ZNF426: variants seen among roughly 807,000 people sequenced by gnomAD.
The protein encoded by ZNF426 is zinc finger protein 426, also known as CTC-543D15.7.
Under a neutral mutation model 24.0 loss-of-function variants are expected in ZNF426, and 23 were observed. That is an observed-to-expected ratio of 0.96 (90% CI 0.69 to 1.36). The LOEUF (loss-of-function observed/expected upper bound fraction) is 1.36, where lower values mean the gene tolerates loss of function less well. Ranked by LOEUF, ZNF426 falls within the 40% of genes most tolerant of loss-of-function variation. The probability of loss-of-function intolerance (pLI) is 0.00; values close to 1 mark genes in which losing one functional copy is unlikely to be tolerated. For missense variants in ZNF426, 646 were observed against 658.4 expected, an observed-to-expected ratio of 0.98 and a Z score of 0.21; for synonymous variants, 272 against 224.6, an observed-to-expected ratio of 1.21 and a Z score of -1.89.
chr19:9,525,476 T>TTTGTTGTTG lies in ZNF426; in HGVS notation c.*2895_*2903dup, dbSNP rs529530878. 1 of 151,734 alleles carries TTTGTTGTTG rather than the reference T, an allele frequency of 6.6e-6. No individual in the cohort carries two copies. 9.4% of individuals were successfully genotyped at this position (151,734 alleles called of 1,614,324 possible). On this transcript the variant is annotated 3_prime_UTR_variant, in exon 8 of 8. Transcript: ENST00000253115. ...AAAGGCTGAGCATTGATGATGGGTT[T>TTTGTTGTTG]TTGTTGTTGTTGTTGTTGTTGTTGT...
At chr19:9,532,726 T>A in intron 6 of ZNF426, 119 bp downstream of exon 6, 1 of 672,844 alleles carries the variant, frequency 1.5e-6, no homozygotes, top group Non-Finnish European at 2.5e-6. Context: ...TTTCCTAACT[T>A]TCTCTAAACC....
In ZNF426 at chr19:9,529,568, T is replaced by C; in HGVS notation, c.477A>G (p.Ser159=). 1.9e-6 allele frequency: 3 copies of C among 1,609,110 alleles called. No homozygotes were observed. Among genetic ancestry groups the C allele is most frequent in the Non-Finnish European group, 2.5e-6 (3 of 1,179,962 alleles). Residue 159 remains serine, a synonymous_variant, in exon 8 of 8, where the codon TCA becomes TCG. Transcript: ENST00000253115. ...GAGTTCTCACGTGCGTCTTAAGGCATGAGTGTTCACTGAAGACTTCTCCAC... is the reference window on the plus strand; with the variant it reads ...GAGTTCTCACGTGCGTCTTAAGGCACGAGTGTTCACTGAAGACTTCTCCAC... The part of the protein sequence containing the change: ...EQCGEVFSEH[S]CLKTHVRTQS...
chr19:9,534,346 C>T (rs1372162126), intron 4 of ZNF426, among the ~76,000 whole-genome samples: 1 of 152,020 alleles, frequency 6.6e-6, no homozygotes, highest in African/African-American at 2.4e-5. Context: ...GCTGAAATTA[C>T]AGGCACACGC....
At chr19:9,536,628 T>TAG (rs149142513) in intron 2 of ZNF426, 4,417 of 257,498 alleles carry the variant, frequency 0.017, 201 homozygotes, top group African/African-American at 0.096. Context: ...CACACACACA[T>TAG]AGAAAAAATA....
chr19:9,532,087 CTA>C (rs1467647211), intron 6 of ZNF426, among the ~76,000 whole-genome samples: 18 of 152,210 alleles, frequency 1.2e-4, no homozygotes, highest in African/African-American at 4.3e-4. Flanking sequence ...CCTGTACATA[CTA>C]TGATTCTTCG....
Position 9,529,490 on chromosome 19 carries a change from G to T in ZNF426, c.555C>A (p.Thr185=). 1 of 1,613,752 alleles carries T rather than the reference G, an allele frequency of 6.2e-7. No individual in the cohort carries two copies. The highest frequency in any genetic ancestry group is 8.5e-7 in the Non-Finnish European group (1 of 1,179,996). The stretch of plus-strand genomic sequence containing the variant: ...CACCAGTAGAGGTTTTCTCACACAG[G>T]GTAAGGAAATCTTTTCCATACTGAT... ...DCNQYGKDFL[T]LCEKTSTGEK... is the part of the protein sequence containing the mutation. The change falls in exon 8 of 8, where the codon ACC becomes ACA. Residue 185 remains threonine (T), a synonymous_variant. Coordinates refer to ENST00000253115, the MANE Select transcript of ZNF426 (RefSeq NM_024106.3).
In ZNF426 at chr19:9,530,987, A is replaced by G. The variant is rs2073874495; in HGVS notation, c.406T>C (p.Leu136=). 1.2e-6 allele frequency: 2 copies of G among 1,611,790 alleles called. No homozygotes were observed. The highest frequency in any genetic ancestry group is 1.7e-6 in the Non-Finnish European group (2 of 1,177,914). Residue 136 remains leucine, a splice_region_variant and synonymous_variant, in exon 7 of 8, where the codon TTG becomes CTG. Coordinates refer to ENST00000253115, the MANE Select transcript of ZNF426 (RefSeq NM_024106.3). ...LRGQTSIGIQ[L]EGKHNGRELC... ...AAAATATCCTATGCAAATCTTACCA[A>G]TTGTATCCCAATGGATGTCTGACCC... is the stretch of plus-strand genomic sequence containing the variant.
intron 4 of ZNF426, among the ~76,000 whole-genome samples, 174 bp downstream of exon 4, chr19:9,535,014 G>A (rs935212467): frequency 6.7e-6 from 1 of 149,924 alleles, no homozygotes; most frequent in African/African-American, 2.5e-5. Flanking sequence ...GGAGACCGGA[G>A]CTTGCAGTGA....
chr19:9,529,389 G>A lies in ZNF426; in HGVS notation c.656C>T (p.Thr219Ile). 1 of 1,614,030 alleles carries A rather than the reference G, an allele frequency of 6.2e-7. No individual in the cohort carries two copies. Among genetic ancestry groups the A allele is most frequent in the Non-Finnish European group, 8.5e-7 (1 of 1,180,004 alleles). ...TPNIVYQRTS[T>I]QEKSFECSHC... is the part of the protein sequence containing the mutation. ...ACTACATTCAAATGACTTTTCTTGT[G>A]TGCTAGTTCTCTGGTATACAATATT... The change falls in exon 8 of 8, where the codon ACA (threonine) becomes ATA (isoleucine). Residue 219 changes from threonine (T) to isoleucine (I), a missense_variant. Transcript: ENST00000253115.
intron 7 of ZNF426, among the ~76,000 whole-genome samples, chr19:9,530,573 G>A (rs547588908): frequency 1.3e-5 from 2 of 151,982 alleles, no homozygotes; most frequent in East Asian, 3.9e-4. Context: ...ACTAGCCTGG[G>A]AAACACAGTA....
chr19:9,528,178 A>C lies in ZNF426; in HGVS notation c.*202T>G, dbSNP rs984809980. On this transcript the variant is annotated 3_prime_UTR_variant, in exon 8 of 8. Coordinates refer to ENST00000253115, the MANE Select transcript of ZNF426 (RefSeq NM_024106.3). The stretch of plus-strand genomic sequence containing the variant: ...ATTTTTTGTATTTTCAGTAGAGACA[A>C]GGTTTCACCATGTTGGCCAGGGTGG... 7.8e-6 allele frequency: 4 copies of C among 513,184 alleles called. No individual in the cohort carries two copies. The highest frequency in any genetic ancestry group is 1.3e-5 in the Non-Finnish European group (4 of 299,106). The allele number at this position is 513,184 out of a possible 1,614,324, so 31.8% of individuals were successfully genotyped here.
rs1460239684 is a variant in ZNF426 at position 9,528,764 on chromosome 19, T to C, written c.1281A>G (p.Lys427=). 3 of 1,614,152 alleles carry C rather than the reference T, an allele frequency of 1.9e-6. No individual in the cohort carries two copies. The highest frequency in any genetic ancestry group is 2.5e-6 in the Non-Finnish European group (3 of 1,180,022). The part of the protein sequence containing the change: ...EKACECKICG[K]VFGYPSCLNN... ...TAAGACATGAGGGATACCCAAATAC[T>C]TTCCCACATATCTTACACTCACAGG... is the stretch of plus-strand genomic sequence containing the variant. Residue 427 remains lysine, a synonymous_variant, in exon 8 of 8, where the codon AAA becomes AAG. Transcript: ENST00000253115.
intron 6 of ZNF426, among the ~76,000 whole-genome samples, chr19:9,532,446 C>T (rs1456119525): frequency 2.0e-5 from 3 of 151,514 alleles, no homozygotes; most frequent in Non-Finnish European, 4.4e-5. Flanking sequence ...GCAGGTGCGT[C>T]CCACCACCCT....
rs750951059 is a variant in ZNF426 at position 9,528,379 on chromosome 19, A to G, written c.*1T>C. ...ACATTTATTACATGGACAGTTTCTC[A>G]CTAGTGAATTTGTTCATGTCTTCGA... On this transcript the variant is annotated 3_prime_UTR_variant, in exon 8 of 8. Transcript: ENST00000253115. The G allele has an allele frequency of 3.2e-6, 5 of 1,566,246 alleles. No homozygotes were observed. In the East Asian group the frequency reaches 1.1e-4, roughly 35 times the overall value.
Position 9,530,854 on chromosome 19 carries a change from C to T in ZNF426, c.408+131G>A, listed in dbSNP as rs1030237872. ...AACAAGTTTCACAATTGGAGCATCCCTAAATTCTTTGCTCCCTCTCATGTG... is the reference window on the plus strand; with the variant it reads ...AACAAGTTTCACAATTGGAGCATCCTTAAATTCTTTGCTCCCTCTCATGTG... On this transcript the variant is annotated intron_variant, in intron 7 of 7. Coordinates refer to ENST00000253115, the MANE Select transcript of ZNF426 (RefSeq NM_024106.3). 8.9e-6 allele frequency: 6 copies of T among 677,654 alleles called. No homozygotes were observed. The Admixed American group carries it at 1.0e-4, about 12-fold the overall frequency. 42.0% of individuals were successfully genotyped at this position (677,654 alleles called of 1,614,324 possible).
At position 9,529,637 on chromosome 19, in the gene ZNF426, C is replaced by A; in HGVS notation, c.409-1G>T. On this transcript the variant is annotated splice_acceptor_variant, in intron 7 of 7. Coordinates refer to ENST00000253115, the MANE Select transcript of ZNF426 (RefSeq NM_024106.3). LOFTEE classifies it high-confidence loss of function. Reference sequence around the variant, plus strand: ...GTTCCCTTCCATTGTGTTTTCCTTCCTGTTGAAGGGATGATGATGATTTAA... The same window carrying A: ...GTTCCCTTCCATTGTGTTTTCCTTCATGTTGAAGGGATGATGATGATTTAA... 6.3e-7 allele frequency: 1 copy of A among 1,583,584 alleles called. No homozygotes were observed.
At chr19:9,530,950 G>T (rs2073873849) in intron 7 of ZNF426, 35 bp downstream of exon 7, 6 of 1,521,496 alleles carry the variant, frequency 3.9e-6, no homozygotes, top group Non-Finnish European at 5.5e-6. Flanking sequence ...TTTCTCTGAG[G>T]GTGGAAAATA....
chr19:9,532,662 AT>A (rs1263079394), intron 6 of ZNF426, among the ~76,000 whole-genome samples, 182 bp downstream of exon 6: 2 of 152,110 alleles, frequency 1.3e-5, no homozygotes, highest in Admixed American at 1.3e-4. Context: ...GAAAAGTGAA[AT>A]CACAGACAAG....
intron 3 of ZNF426, among the ~76,000 whole-genome samples, 195 bp from the exon 4 acceptor site, chr19:9,535,474 G>T (rs1344727034): frequency 1.3e-5 from 2 of 152,040 alleles, no homozygotes; most frequent in Non-Finnish European, 2.9e-5. Context: ...GATTACTTTA[G>T]GCGAGAAGTT....
Sources: allele counts gnomAD v4.1 joint callset (sites outside exome capture counted in the v4.1 genomes callset), GRCh38; gene constraint gnomAD v4.1.1; transcripts MANE v1.5; gene names NCBI Gene and HGNC (gene_info 2026-07-23, HGNC 2026-07-21).